Variants in PCDHGB4 observed in about 807,000 individuals in gnomAD.
The protein encoded by PCDHGB4 is protocadherin gamma-B4.
A neutral mutation model predicts 60.5 loss-of-function variants in PCDHGB4; 38 were observed. The ratio of observed to expected loss-of-function variants is 0.63; its 90% CI spans 0.48 to 0.82. PCDHGB4 has a LOEUF of 0.82. Ranked by LOEUF, PCDHGB4 falls within the 40% of genes least tolerant of loss-of-function variation. PCDHGB4 has a pLI of 0.00. For synonymous variants in PCDHGB4, 456 were observed against 509.7 expected (o/e 0.89, Z 1.42); for missense variants, 1,109 against 1,209.6 (o/e 0.92, Z 1.23).
intron 1 of PCDHGB4, among the ~76,000 whole-genome samples, chr5:141,448,948 A>C (rs918513864): frequency 6.6e-6 from 1 of 152,170 alleles, no homozygotes; most frequent in African/African-American, 2.4e-5. Flanking sequence ...GCAACTCAAA[A>C]AAACAAACAA....
rs149920059 is a variant in PCDHGB4 at position 141,409,848 on chromosome 5, G to A, written c.2397+19567G>A. 8,006 of 1,612,024 alleles carry A rather than the reference G, an allele frequency of 5.0e-3. 45 individuals are homozygous for A. The highest frequency in any genetic ancestry group is 9.5e-3 in the Admixed American group (567 of 59,794). On this transcript the variant is annotated intron_variant, in intron 1 of 3. Transcript: ENST00000519479. ...ACGCTCAGCGCCAACGTGAGCCTGC[G>A]CGTGTTGGTGGGAGACCGCAATGAC... is the stretch of plus-strand genomic sequence containing the variant.
intron 1 of PCDHGB4, among the ~76,000 whole-genome samples, chr5:141,457,274 C>T (rs1307741345): frequency 1.3e-5 from 2 of 152,200 alleles, no homozygotes; most frequent in Non-Finnish European, 2.9e-5. Context: ...CCTCTGTGGG[C>T]CTACGAAGTT....
rs755090005 is a variant in PCDHGB4, at chr5:141,388,852, G to A, written c.968G>A (p.Gly323Glu). 1.9e-5 allele frequency: 31 copies of A among 1,613,990 alleles called. 1 individual carries two copies. The South Asian group carries it at 3.0e-4, about 15-fold the overall frequency. The change falls in exon 1 of 4, where the codon GGA becomes GAA. Residue 323 changes from glycine (G) to glutamate (E), a missense_variant. By Grantham distance (98) the Gly-to-Glu change is moderately conservative. Coordinates refer to ENST00000519479, the MANE Select transcript of PCDHGB4 (RefSeq NM_003736.4). ...YSIVLEARDG[G>E]GMIAQCTVEV... is the part of the protein sequence containing the mutation. ...ATAGTTTTGGAAGCAAGGGACGGTG[G>A]AGGAATGATTGCGCAATGCACAGTG...
intron 1 of PCDHGB4, chr5:141,393,501 G>A (rs754946327): frequency 1.2e-6 from 2 of 1,614,044 alleles, no homozygotes; most frequent in Non-Finnish European, 1.7e-6. Flanking sequence ...GCGCATCCAC[G>A]TGACAGTGTT....
intron 1 of PCDHGB4, chr5:141,418,560 A>G (rs752240769): frequency 1.2e-6 from 2 of 1,614,034 alleles, no homozygotes; most frequent in Non-Finnish European, 1.7e-6. Context: ...CTGGTAATAG[A>G]TGCCAATGAC....
intron 1 of PCDHGB4, among the ~76,000 whole-genome samples, chr5:141,444,029 A>T (rs977610555): frequency 2.6e-5 from 4 of 152,164 alleles, no homozygotes; most frequent in African/African-American, 9.7e-5. Flanking sequence ...AAAGGAATTC[A>T]GTAAATCAGA....
Position 141,432,244 on chromosome 5 carries a change from C to T in PCDHGB4, c.2397+41963C>T. 1 of 1,614,262 alleles carries T rather than the reference C, an allele frequency of 6.2e-7. No homozygotes were observed. Among genetic ancestry groups the T allele is most frequent in the Non-Finnish European group, 8.5e-7 (1 of 1,180,048 alleles). On this transcript the variant is annotated intron_variant, in intron 1 of 3. Coordinates refer to ENST00000519479, the MANE Select transcript of PCDHGB4 (RefSeq NM_003736.4). The surrounding 1 kb of genome is among the most constrained non-coding windows in gnomAD (Gnocchi z 6.0). ...TCACTTATTCCCTGGCTGAGAACAC[C>T]ATCCAAGGGGCAAGCCTATCGTCCT...
chr5:141,439,333 G>A (rs964224344), intron 1 of PCDHGB4, among the ~76,000 whole-genome samples: 1 of 152,154 alleles, frequency 6.6e-6, no homozygotes, highest in Non-Finnish European at 1.5e-5. Flanking sequence ...TGGAAAGAAA[G>A]ATTCTAAGCC....
Position 141,390,351 on chromosome 5 carries a change from C to T in PCDHGB4, c.2397+70C>T, listed in dbSNP as rs1561631456. 5 of 1,558,898 alleles carry T rather than the reference C, an allele frequency of 3.2e-6. No homozygotes were observed. The Admixed American group carries it at 9.1e-5, about 28-fold the overall frequency. On this transcript the variant is annotated intron_variant, in intron 1 of 3. Transcript: ENST00000519479. ...TTCTCCATATTCACAAGAAAATATA[C>T]ATATTTGCAGGAAAATATATAATTT...
At chr5:141,482,561 T>C (rs1411268228) in intron 1 of PCDHGB4, among the ~76,000 whole-genome samples, 3 of 136,978 alleles carry the variant, frequency 2.2e-5, no homozygotes, top group African/African-American at 8.6e-5. Flanking sequence ...ATAATGGAGA[T>C]CTGCATAGCA....
At chr5:141,509,454 G>T (rs1164813611) in intron 3 of PCDHGB4, among the ~76,000 whole-genome samples, 2 of 151,976 alleles carry the variant, frequency 1.3e-5, no homozygotes, top group African/African-American at 2.4e-5. Flanking sequence ...TCCCACCCCC[G>T]ACCCAGTCAG....
chr5:141,400,037 G>A, intron 1 of PCDHGB4: 4 of 1,613,246 alleles, frequency 2.5e-6, no homozygotes, highest in African/African-American at 1.3e-5. Context: ...GCCCGCCAGC[G>A]CCTGCTGGTT....
At chr5:141,447,390 G>A (rs1048677634) in intron 1 of PCDHGB4, among the ~76,000 whole-genome samples, 4 of 151,976 alleles carry the variant, frequency 2.6e-5, no homozygotes, top group Admixed American at 6.6e-5. Flanking sequence ...TGCCCACCTC[G>A]GCCTCCCAAA....
Position 141,388,992 on chromosome 5 carries a change from C to A in PCDHGB4, c.1108C>A (p.Arg370Ser). The A allele has an allele frequency of 6.2e-7, 1 of 1,613,952 alleles. No individual in the cohort carries two copies. Among genetic ancestry groups the A allele is most frequent in the Non-Finnish European group, 8.5e-7 (1 of 1,179,894 alleles). ...AACACATATTGCTTTGCTCAAAGTC[C>A]GTGACAAGGATTCCAGACACAATGG... ...LGTHIALLKV[R>S]DKDSRHNGEV... Residue 370 changes from arginine (R) to serine (S), a missense_variant, in exon 1 of 4, where the codon CGT becomes AGT. By Grantham distance (110) the Arg-to-Ser change is moderately radical (BLOSUM62 -1). Transcript: ENST00000519479.
chr5:141,492,320 G>T (rs1001784912), intron 1 of PCDHGB4, among the ~76,000 whole-genome samples: 1 of 152,206 alleles, frequency 6.6e-6, no homozygotes, highest in Non-Finnish European at 1.5e-5. Context: ...CTCCTCGCAC[G>T]TGGGCTTACG....
chr5:141,421,842 A>G (rs1209505923), intron 1 of PCDHGB4: 1 of 1,613,744 alleles, frequency 6.2e-7, no homozygotes, highest in Non-Finnish European at 8.5e-7. Context: ...ACCGAGAGAA[A>G]GAGGCTGCTC....
chr5:141,389,708 G>A lies in PCDHGB4; in HGVS notation c.1824G>A (p.Gln608=). The change falls in exon 1 of 4, where the codon CAG becomes CAA. Residue 608 remains glutamine (Q), a synonymous_variant. Transcript: ENST00000519479. ...HNAWLSYHVL[Q]ASEPGLFSLG... ...CCTGGCTGTCCTACCACGTGCTGCA[G>A]GCTAGCGAGCCCGGGCTCTTCAGCC... 1 of 1,612,610 alleles carries A rather than the reference G, an allele frequency of 6.2e-7. No homozygotes were observed. The highest frequency in any genetic ancestry group is 1.1e-5 in the South Asian group (1 of 91,048).
In PCDHGB4 at chr5:141,389,878, G is replaced by A. The variant is rs1369885786; in HGVS notation, c.1994G>A (p.Ser665Asn). Residue 665 changes from serine (S) to asparagine (N), a missense_variant, in exon 1 of 4, where the codon AGC becomes AAC. Coordinates refer to ENST00000519479, the MANE Select transcript of PCDHGB4 (RefSeq NM_003736.4). ...TATLHLVFAD[S>N]LQEVLPDITD... ...ACGTTGCACCTGGTCTTCGCCGACA[G>A]CTTGCAGGAGGTGCTGCCGGATATC... The A allele has an allele frequency of 6.2e-7, 1 of 1,613,972 alleles. No individual in the cohort carries two copies. The highest frequency in any genetic ancestry group is 1.3e-5 in the African/African-American group (1 of 74,952).
intron 1 of PCDHGB4, among the ~76,000 whole-genome samples, chr5:141,446,948 T>C (rs1166868490): frequency 6.6e-6 from 1 of 152,186 alleles, no homozygotes; most frequent in African/African-American, 2.4e-5. Context: ...GTAAGAAACA[T>C]CCAGCACCCA....
Sources: allele counts gnomAD v4.1 joint callset (sites outside exome capture counted in the v4.1 genomes callset), GRCh38; gene constraint gnomAD v4.1.1; non-coding constraint Gnocchi (gnomAD v3.1); transcripts MANE v1.5; gene names NCBI Gene and HGNC (gene_info 2026-07-23, HGNC 2026-07-21).